The following SRBD1 variants were observed in gnomAD, a reference collection of about 807,000 sequenced individuals.
The protein encoded by SRBD1 is S1 RNA-binding domain-containing protein 1.
A neutral mutation model predicts 115.3 loss-of-function variants in SRBD1; 88 were observed. The ratio of observed to expected loss-of-function variants is 0.76; its 90% confidence interval spans 0.64 to 0.91. The LOEUF (loss-of-function observed/expected upper bound fraction) is 0.91, where lower values mean the gene tolerates loss of function less well. Among genes scored for constraint, SRBD1 ranks in the 40% least tolerant of loss-of-function variants. SRBD1 has a pLI of 0.00. For missense variants in SRBD1, 1,385 were observed against 1,177.4 expected (o/e 1.18, Z -2.58); for synonymous variants, 509 against 407.7 (o/e 1.25, Z -2.99).
At chr2:45,446,362 G>A (rs1668823606) in intron 16 of SRBD1, among the ~76,000 whole-genome samples, 1 of 152,078 alleles carries the variant, frequency 6.6e-6, no homozygotes, top group Admixed American at 6.5e-5. Flanking sequence ...ATCATGCCTG[G>A]GGGAGAGCAG....
intron 19 of SRBD1, among the ~76,000 whole-genome samples, chr2:45,393,748 T>C (rs1667070967): frequency 2.6e-5 from 4 of 152,254 alleles, no homozygotes; most frequent in South Asian, 4.1e-4. Flanking sequence ...TGAGGCTATC[T>C]GTTCCCTACA....
chr2:45,423,900 G>C (rs1236578891), intron 16 of SRBD1, among the ~76,000 whole-genome samples: 1 of 151,954 alleles, frequency 6.6e-6, no homozygotes, highest in East Asian at 1.9e-4. Flanking sequence ...GACTCACATT[G>C]TTTTCATTTT....
chr2:45,444,677 A>G (rs1011294160), intron 16 of SRBD1, among the ~76,000 whole-genome samples: 7 of 152,224 alleles, frequency 4.6e-5, no homozygotes, highest in African/African-American at 1.7e-4. Context: ...TACATATGTT[A>G]GTTGGCATCA....
At chr2:45,528,679 A>C (rs1466036210) in intron 14 of SRBD1, among the ~76,000 whole-genome samples, 1 of 151,850 alleles carries the variant, frequency 6.6e-6, no homozygotes, top group East Asian at 1.9e-4. Context: ...AAGCTCCAGA[A>C]GTGGATGAAG....
At chr2:45,424,126 C>T (rs1668084584) in intron 16 of SRBD1, among the ~76,000 whole-genome samples, 1 of 152,140 alleles carries the variant, frequency 6.6e-6, no homozygotes, top group Non-Finnish European at 1.5e-5. Flanking sequence ...TAACATTCAA[C>T]CCATGCTCAA....
chr2:45,587,460 T>C (rs996061059), intron 4 of SRBD1, among the ~76,000 whole-genome samples: 4 of 152,084 alleles, frequency 2.6e-5, no homozygotes, highest in Admixed American at 2.6e-4. Context: ...TAAGCAGCTC[T>C]TTCAAAGTAA....
At chr2:45,436,339 A>C (rs568872767) in intron 16 of SRBD1, among the ~76,000 whole-genome samples, 5 of 152,212 alleles carry the variant, frequency 3.3e-5, no homozygotes, top group Non-Finnish European at 7.3e-5. Context: ...ATTTCCCACT[A>C]AGATCAGAAA....
At chr2:45,437,404 C>T (rs1668530971) in intron 16 of SRBD1, among the ~76,000 whole-genome samples, 1 of 147,230 alleles carries the variant, frequency 6.8e-6, no homozygotes, top group African/African-American at 2.5e-5. Context: ...TAGAAAGCAC[C>T]AAAAGACCCA....
intron 4 of SRBD1, among the ~76,000 whole-genome samples, chr2:45,588,346 C>G (rs1166022712): frequency 1.3e-5 from 2 of 152,210 alleles, no homozygotes. Flanking sequence ...GTTCCTAGAA[C>G]AAGGCCAGTT....
chr2:45,522,651 C>A (rs1671321812), intron 14 of SRBD1, among the ~76,000 whole-genome samples: 1 of 152,160 alleles, frequency 6.6e-6, no homozygotes, highest in African/African-American at 2.4e-5. Flanking sequence ...GATACCAAGA[C>A]CAACTCCTCC....
In SRBD1 at chr2:45,500,279, C is replaced by CTG. The variant is rs139961270; in HGVS notation, c.1875-11950_1875-11949dup. Reference sequence around the variant, plus strand: ...GGTTAAATTTATTCTGTGCATGTCTCTGTGTGTGTGTGTGTGTGTGTATGT... The same window carrying CTG: ...GGTTAAATTTATTCTGTGCATGTCTCTGTGTGTGTGTGTGTGTGTGTGTATGT... On this transcript the variant is annotated intron_variant, in intron 14 of 20. Transcript: ENST00000263736. Among the ~76,000 whole-genome samples, 1,230 of 143,410 alleles carry CTG rather than the reference C, an allele frequency of 8.6e-3. 13 individuals carry two copies. Among genetic ancestry groups the CTG allele is most frequent in the African/African-American group, 0.016 (608 of 39,208 alleles). 94.1% of individuals were successfully genotyped at this position (143,410 alleles called of 152,430 possible). A position where few individuals can be genotyped will look rare whatever the true frequency, so the allele number is the denominator to read the frequency against.
intron 9 of SRBD1, among the ~76,000 whole-genome samples, chr2:45,567,261 T>C (rs561233995): frequency 3.1e-4 from 47 of 152,326 alleles, no homozygotes; most frequent in African/African-American, 9.9e-4. Context: ...TCTTTTCTTA[T>C]ATACTTGAGA....
chr2:45,570,284 T>C (rs1402451335), intron 9 of SRBD1, among the ~76,000 whole-genome samples: 2 of 152,198 alleles, frequency 1.3e-5, no homozygotes, highest in African/African-American at 4.8e-5. Flanking sequence ...TTTAATATAA[T>C]TGTAGGGCTG....
chr2:45,404,114 A>G (rs1667363131), intron 19 of SRBD1, among the ~76,000 whole-genome samples: 3 of 152,166 alleles, frequency 2.0e-5, no homozygotes, highest in African/African-American at 7.2e-5. Flanking sequence ...TTCAAGGAGA[A>G]AGATCTCATT....
At position 45,389,284 on chromosome 2, in the gene SRBD1, A is replaced by G. The variant is rs1204565732; in HGVS notation, c.*26T>C. 6.3e-7 allele frequency: 1 copy of G among 1,596,662 alleles called. No homozygotes were observed. Among genetic ancestry groups the G allele is most frequent in the Non-Finnish European group, 8.5e-7 (1 of 1,169,938 alleles). On this transcript the variant is annotated 3_prime_UTR_variant, in exon 21 of 21. Coordinates refer to ENST00000263736, the MANE Select transcript of SRBD1 (RefSeq NM_018079.5). ...CAATCTGTGGAAATGAGAAAATAAA[A>G]TCAGCGTCTGGCCTTCGTGGGATAC...
chr2:45,604,846 C>CA (rs1399384724), intron 2 of SRBD1, among the ~76,000 whole-genome samples: 3 of 152,150 alleles, frequency 2.0e-5, no homozygotes, highest in Admixed American at 6.5e-5. Context: ...ATTTACTTAA[C>CA]AAATATCTTC....
intron 16 of SRBD1, 150 bp downstream of exon 16, chr2:45,476,843 C>A: frequency 1.6e-6 from 1 of 619,156 alleles, no homozygotes; most frequent in South Asian, 2.2e-5. Flanking sequence ...TTCCCTCCTT[C>A]CCTGATGACT....
intron 14 of SRBD1, among the ~76,000 whole-genome samples, chr2:45,545,779 C>A (rs1230103405): frequency 6.6e-6 from 1 of 152,208 alleles, no homozygotes; most frequent in Non-Finnish European, 1.5e-5. Flanking sequence ...CTCTTACTCC[C>A]CTTGTTACCC....
At chr2:45,567,865 T>C (rs1672882935) in intron 9 of SRBD1, 1 of 152,232 alleles carries the variant, frequency 6.6e-6, no homozygotes, top group South Asian at 2.1e-4. Flanking sequence ...TATACCATAA[T>C]ATCACAATAC....
Sources: gnomAD v4.1 joint callset for allele counts (sites outside exome capture counted in the v4.1 genomes callset) on GRCh38, gnomAD v4.1.1 for gene constraint, MANE v1.5 for transcripts, NCBI Gene and HGNC (gene_info 2026-07-23, HGNC 2026-07-21) for gene names.